RAP2C: variants seen among roughly 807,000 people sequenced by gnomAD.
RAP2C encodes RAP2C, member of RAS oncogene family.
In RAP2C, 3 loss-of-function variants were observed where a neutral mutation model predicts 8.9. The ratio of observed to expected loss-of-function variants is 0.34; its 90% confidence interval spans 0.15 to 0.87. The LOEUF is 0.87. Among genes scored for constraint, RAP2C ranks in the 40% least tolerant of loss-of-function variants. The pLI is 0.51. For missense variants in RAP2C, 76 were observed against 133.7 expected (o/e 0.57, Z 2.13); for synonymous variants, 60 against 52.1 (o/e 1.15, Z -0.65).
chrX:132,217,070 T>C lies in RAP2C; in HGVS notation c.199A>G (p.Met67Val). The change falls in exon 4 of 6, where the codon ATG becomes GTG. Residue 67 changes from methionine to valine, a missense_variant. Coordinates refer to ENST00000370874, the MANE Select transcript of RAP2C (RefSeq NM_001271186.2). ...CCGTTTTTGATGTAGAGATCTCTCA[T>C]GGAGGCAAACTGCTCAGTTCCTGCG... ...DTAGTEQFAS[M>V]RDLYIKNGQG... 8.4e-7 allele frequency: 1 copy of C among 1,195,917 alleles called. No individual in the cohort carries two copies. The highest frequency in any genetic ancestry group is 1.1e-6 in the Non-Finnish European group (1 of 887,173).
rs58119368 is a variant in RAP2C at position 132,204,980 on chromosome X, C to CAAAAAAAA, written c.*634_*641dup. ...TGTAACCTTCAGAACATGTTAATTACAAAAAAAAAAAAAAAAAAACAAAAC... is the reference window on the plus strand; with the variant it reads ...TGTAACCTTCAGAACATGTTAATTACAAAAAAAAAAAAAAAAAAAAAAAAAAACAAAAC... On this transcript the variant is annotated 3_prime_UTR_variant, in exon 6 of 6. Transcript: ENST00000370874. The CAAAAAAAA allele has an allele frequency of 1.4e-4, 7 of 51,629 alleles. No individual in the cohort carries two copies. The highest frequency in any genetic ancestry group is 5.9e-4 in the East Asian group (1 of 1,687). The allele number at this position is 51,629 out of a possible 1,213,427, so 4.3% of individuals were successfully genotyped here. A position where few individuals can be genotyped will look rare whatever the true frequency, so the allele number is the denominator to read the frequency against.
chrX:132,215,157 C>T (rs1470309314), intron 4 of RAP2C, among the ~76,000 whole-genome samples: 1 of 107,673 alleles, frequency 9.3e-6, no homozygotes, highest in African/African-American at 3.3e-5. Context: ...CTACTTGTTT[C>T]CCCATGCGTA....
chrX:132,216,072 A>T (rs1206061466), intron 4 of RAP2C, among the ~76,000 whole-genome samples: 2 of 112,284 alleles, frequency 1.8e-5, no homozygotes, highest in East Asian at 5.6e-4. Context: ...CCATTTCCTA[A>T]ATCAATGGAG....
intron 5 of RAP2C, among the ~76,000 whole-genome samples, chrX:132,210,530 G>A (rs1366529245): frequency 1.8e-5 from 2 of 111,309 alleles, no homozygotes; most frequent in African/African-American, 3.3e-5. Context: ...TTTTTCTTCA[G>A]GCTGAAATAT....
intron 5 of RAP2C, among the ~76,000 whole-genome samples, chrX:132,207,523 C>A (rs931089013): frequency 9.0e-6 from 1 of 111,508 alleles, no homozygotes; most frequent in Non-Finnish European, 1.9e-5. Context: ...CTGAGTTAGG[C>A]TCTACAATAT....
intron 5 of RAP2C, among the ~76,000 whole-genome samples, chrX:132,209,166 G>A (rs1023461751): frequency 2.7e-5 from 3 of 111,614 alleles, no homozygotes; most frequent in African/African-American, 6.5e-5. Flanking sequence ...GAATGGAGGT[G>A]GAATCACACA....
At chrX:132,212,158 A>G (rs980576178) in intron 5 of RAP2C, among the ~76,000 whole-genome samples, 5 of 111,694 alleles carry the variant, frequency 4.5e-5, no homozygotes, top group African/African-American at 1.6e-4. Flanking sequence ...CAAGGCTAAT[A>G]TCTTCATTTA....
chrX:132,208,411 C>G (rs1324085913), intron 5 of RAP2C, among the ~76,000 whole-genome samples: 4 of 109,992 alleles, frequency 3.6e-5, no homozygotes, highest in African/African-American at 1.3e-4. Context: ...GGGATTTAAC[C>G]AAAATACTTT....
At chrX:132,214,578 A>T in intron 4 of RAP2C, 132 bp from the exon 5 acceptor site, 1 of 1,075,399 alleles carries the variant, frequency 9.3e-7, no homozygotes, top group Middle Eastern at 3.7e-4. Context: ...AATCACACCT[A>T]AACAGAGAAA....
At chrX:132,209,686 C>G (rs1166645646) in intron 5 of RAP2C, among the ~76,000 whole-genome samples, 2 of 111,665 alleles carry the variant, frequency 1.8e-5, no homozygotes, top group African/African-American at 3.3e-5. Context: ...TCATTCTAAG[C>G]CAGAGAGGTA....
At chrX:132,206,296 C>T (rs1335113489) in intron 5 of RAP2C, among the ~76,000 whole-genome samples, 1 of 112,194 alleles carries the variant, frequency 8.9e-6, no homozygotes, top group Non-Finnish European at 1.9e-5. Context: ...GTGATAGCAG[C>T]AGTTCACATT....
In RAP2C at chrX:132,203,291, T is replaced by C. The variant is rs958590645; in HGVS notation, c.*2331A>G. ...TTGAACAACTCCTAAATAGATGCCA[T>C]AATAAAGACAAGACATATATTGCAT... On this transcript the variant is annotated 3_prime_UTR_variant, in exon 6 of 6. Transcript: ENST00000370874. The C allele has an allele frequency of 8.9e-6, 1 of 111,915 alleles. No individual in the cohort carries two copies. The highest frequency in any genetic ancestry group is 1.9e-5 in the Non-Finnish European group (1 of 53,088). 9.2% of individuals were successfully genotyped at this position (111,915 alleles called of 1,213,427 possible).
At chrX:132,216,209 A>G (rs1182473225) in intron 4 of RAP2C, among the ~76,000 whole-genome samples, 2 of 111,969 alleles carry the variant, frequency 1.8e-5, no homozygotes, top group Non-Finnish European at 3.8e-5. Flanking sequence ...AGATTTTCTA[A>G]GAGATTGGAC....
intron 5 of RAP2C, among the ~76,000 whole-genome samples, chrX:132,206,990 A>G (rs1036799541): frequency 8.9e-6 from 1 of 112,055 alleles, no homozygotes; most frequent in Non-Finnish European, 1.9e-5. Flanking sequence ...TCCATTTCCA[A>G]CTATGTTATA....
Position 132,217,065 on chromosome X carries a change from T to G in RAP2C, c.204A>C (p.Arg68Ser). The G allele has an allele frequency of 8.4e-7, 1 of 1,187,833 alleles. No homozygotes were observed. The highest frequency in any genetic ancestry group is 1.1e-6 in the Non-Finnish European group (1 of 883,134). Residue 68 changes from arginine to serine, a missense_variant, in exon 4 of 6, where the codon AGA (arginine) becomes AGC (serine). Arg to Ser is a moderately radical substitution (Grantham distance 110). Coordinates refer to ENST00000370874, the MANE Select transcript of RAP2C (RefSeq NM_001271186.2). ...TAGTEQFASMRDLYIKNGQGF... is the reference protein window; with the variant it reads ...TAGTEQFASMSDLYIKNGQGF... The stretch of plus-strand genomic sequence containing the variant: ...CTTGGCCGTTTTTGATGTAGAGATC[T>G]CTCATGGAGGCAAACTGCTCAGTTC...
chrX:132,208,822 A>AG (rs1008974875), intron 5 of RAP2C, among the ~76,000 whole-genome samples: 1 of 109,201 alleles, frequency 9.2e-6, no homozygotes, highest in Non-Finnish European at 1.9e-5. Flanking sequence ...CACCATACCC[A>AG]GCTAAGTTTT....
Position 132,217,785 on chromosome X carries a change from G to C in RAP2C, c.-517C>G, listed in dbSNP as rs1930673878. 8.8e-6 allele frequency: 1 copy of C among 113,401 alleles called. No individual in the cohort carries two copies. Among genetic ancestry groups the C allele is most frequent in the African/African-American group, 3.2e-5 (1 of 31,184 alleles). The allele number at this position is 113,401 out of a possible 1,213,427, so 9.3% of individuals were successfully genotyped here. On this transcript the variant is annotated 5_prime_UTR_variant, in exon 4 of 6. Transcript: ENST00000370874. Reference sequence around the variant, plus strand: ...TGCCCGGGCGGGTTTCTGGGCCCCGGCTCCCGCGGGGGTCGTCCGGCCTGT... The same window carrying C: ...TGCCCGGGCGGGTTTCTGGGCCCCGCCTCCCGCGGGGGTCGTCCGGCCTGT...
intron 5 of RAP2C, among the ~76,000 whole-genome samples, chrX:132,211,944 C>T (rs1930440504): frequency 9.1e-6 from 1 of 110,286 alleles, no homozygotes; most frequent in African/African-American, 3.3e-5. Flanking sequence ...CTATTTTCTT[C>T]TCTTCTTAGG....
At chrX:132,216,913 T>C in intron 4 of RAP2C, 83 bp downstream of exon 4, 4 of 954,058 alleles carry the variant, frequency 4.2e-6, no homozygotes, top group Non-Finnish European at 5.5e-6. Context: ...GCACAGTCAT[T>C]AATGCACGGT....
Sources: allele counts gnomAD v4.1 joint callset (sites outside exome capture counted in the v4.1 genomes callset), GRCh38; gene constraint gnomAD v4.1.1; transcripts MANE v1.5; gene names NCBI Gene and HGNC (gene_info 2026-07-23, HGNC 2026-07-21).